MALRD1: variants seen among roughly 807,000 people sequenced by gnomAD.
The protein encoded by MALRD1 is MAM and LDL-receptor class A domain-containing protein 1.
MALRD1 carries 247 observed loss-of-function variants against 242.1 expected under a neutral mutation model. The observed-to-expected ratio is 1.02, with a 90% confidence interval of 0.92 to 1.13. MALRD1 has a LOEUF of 1.13. MALRD1 is among the 50% of genes most tolerant of loss of function. The probability of loss-of-function intolerance (pLI) is 0.00; values close to 1 mark genes in which losing one functional copy is unlikely to be tolerated. For synonymous variants in MALRD1, 995 were observed against 866.6 expected (o/e 1.15, Z -2.60); for missense variants, 2,989 against 2,533.1 (o/e 1.18, Z -3.86).
chr10:19,123,517 A>C lies in MALRD1; in HGVS notation c.720A>C (p.Ala240=). Residue 240 remains alanine, a synonymous_variant, in exon 6 of 40, where the codon GCA becomes GCC. Transcript: ENST00000454679. Reference sequence around the variant, plus strand: ...ATGGAATTTTACTGTGTCAAGAAGCATTGAATGCTGAGCGGGAGCTATGCC... The same window carrying C: ...ATGGAATTTTACTGTGTCAAGAAGCCTTGAATGCTGAGCGGGAGCTATGCC... ...ANDGILLCQE[A]LNAERELCHP... The C allele has an allele frequency of 6.5e-6, 8 of 1,233,786 alleles. No individual in the cohort carries two copies. The highest frequency in any genetic ancestry group is 8.1e-6 in the Non-Finnish European group (8 of 988,022). 76.4% of individuals were successfully genotyped at this position (1,233,786 alleles called of 1,614,324 possible). A position where few individuals can be genotyped will look rare whatever the true frequency, so the allele number is the denominator to read the frequency against.
chr10:19,278,002 C>A (rs1246772804), intron 19 of MALRD1, among the ~76,000 whole-genome samples: 4 of 152,154 alleles, frequency 2.6e-5, no homozygotes, highest in African/African-American at 9.7e-5. Flanking sequence ...CCAAAAAGTG[C>A]ATCTTGAAAT....
chr10:19,672,725 A>G (rs1434391487), intron 36 of MALRD1, among the ~76,000 whole-genome samples: 5 of 152,098 alleles, frequency 3.3e-5, no homozygotes, highest in Admixed American at 1.3e-4. Context: ...GAGCCGACCA[A>G]TATATATCTT....
At chr10:19,693,084 A>C (rs1564546419) in intron 38 of MALRD1, among the ~76,000 whole-genome samples, 1 of 151,944 alleles carries the variant, frequency 6.6e-6, no homozygotes, top group Non-Finnish European at 1.5e-5. Flanking sequence ...TCAAAATTAT[A>C]AGAGCTATTT....
chr10:19,392,489 C>T (rs541789355), intron 28 of MALRD1, among the ~76,000 whole-genome samples: 1 of 152,270 alleles, frequency 6.6e-6, no homozygotes, highest in South Asian at 2.1e-4. Flanking sequence ...ATATATGATT[C>T]TTAAATGACT....
intron 21 of MALRD1, among the ~76,000 whole-genome samples, chr10:19,290,988 G>C (rs909980132): frequency 5.9e-5 from 9 of 152,074 alleles, no homozygotes; most frequent in Non-Finnish European, 8.8e-5. Context: ...TCATAGCCAA[G>C]CACCGTAAGT....
intron 5 of MALRD1, among the ~76,000 whole-genome samples, chr10:19,104,934 G>A (rs1201482504): frequency 6.6e-6 from 1 of 152,032 alleles, no homozygotes; most frequent in Admixed American, 6.5e-5. Context: ...GGGATACCAT[G>A]TGATGTTAAA....
chr10:19,707,841 C>T (rs1326640571), intron 38 of MALRD1, among the ~76,000 whole-genome samples: 5 of 115,812 alleles, frequency 4.3e-5, no homozygotes, highest in African/African-American at 1.4e-4. Flanking sequence ...TGGCATGCAC[C>T]AGCTACTTGG....
chr10:19,539,841 C>T (rs1834860016), intron 32 of MALRD1, among the ~76,000 whole-genome samples: 2 of 144,708 alleles, frequency 1.4e-5, no homozygotes, highest in South Asian at 4.4e-4. Flanking sequence ...CATGCGCCAC[C>T]ACACCCAGCT....
At chr10:19,084,568 T>A (rs1206865347) in intron 2 of MALRD1, among the ~76,000 whole-genome samples, 4 of 151,852 alleles carry the variant, frequency 2.6e-5, no homozygotes, top group African/African-American at 9.7e-5. Context: ...TCTCAGAACG[T>A]GGGAAATGGA....
chr10:19,429,612 G>A (rs965982218), intron 28 of MALRD1, among the ~76,000 whole-genome samples: 8 of 152,002 alleles, frequency 5.3e-5, no homozygotes, highest in Non-Finnish European at 8.8e-5. Context: ...CTCAGAGCCT[G>A]TGTCCAGTTG....
chr10:19,384,076 G>A (rs1845951168), intron 26 of MALRD1, among the ~76,000 whole-genome samples: 2 of 151,544 alleles, frequency 1.3e-5, no homozygotes, highest in South Asian at 4.2e-4. Context: ...AGAGCATGGT[G>A]TGAGATGATA....
intron 18 of MALRD1, among the ~76,000 whole-genome samples, chr10:19,210,442 T>C (rs933337714): frequency 3.9e-5 from 6 of 152,208 alleles, no homozygotes; most frequent in Non-Finnish European, 7.3e-5. Flanking sequence ...TTGTGATTAA[T>C]GAACATTTAT....
intron 2 of MALRD1, among the ~76,000 whole-genome samples, chr10:19,082,938 C>T (rs1244793491): frequency 6.6e-6 from 1 of 152,004 alleles, no homozygotes; most frequent in African/African-American, 2.4e-5. Flanking sequence ...GATCAAGGCA[C>T]TGGCAGATTC....
intron 26 of MALRD1, among the ~76,000 whole-genome samples, chr10:19,365,947 A>G (rs1293828186): frequency 1.3e-5 from 2 of 151,952 alleles, no homozygotes; most frequent in Non-Finnish European, 2.9e-5. Context: ...ATTACCATAC[A>G]TTAGATTTGT....
intron 32 of MALRD1, among the ~76,000 whole-genome samples, chr10:19,556,831 G>A (rs1835740527): frequency 6.6e-6 from 1 of 152,102 alleles, no homozygotes; most frequent in Admixed American, 6.5e-5. Context: ...GTAAGAAACT[G>A]CCAAACTGTC....
intron 28 of MALRD1, among the ~76,000 whole-genome samples, chr10:19,421,830 C>G (rs1379127140): frequency 1.3e-5 from 2 of 152,132 alleles, no homozygotes; most frequent in Non-Finnish European, 2.9e-5. Context: ...GGGTTAAACC[C>G]TCTACTTGAA....
chr10:19,586,716 G>A (rs1297883055), intron 33 of MALRD1, among the ~76,000 whole-genome samples: 2 of 152,260 alleles, frequency 1.3e-5, no homozygotes, highest in Non-Finnish European at 2.9e-5. Flanking sequence ...GGAGCCTACA[G>A]AGGCCCGCAG....
At chr10:19,405,780 C>T (rs1352530002) in intron 28 of MALRD1, among the ~76,000 whole-genome samples, 1 of 152,144 alleles carries the variant, frequency 6.6e-6, no homozygotes, top group Non-Finnish European at 1.5e-5. Flanking sequence ...ATGTTCTATT[C>T]TTCCAATGCA....
chr10:19,534,541 A>C (rs895325170), intron 32 of MALRD1, among the ~76,000 whole-genome samples: 1 of 152,204 alleles, frequency 6.6e-6, no homozygotes, highest in Admixed American at 6.5e-5. Flanking sequence ...ATTGATGCCA[A>C]AAGTCCAATT....
Sources: allele counts gnomAD v4.1 joint callset (sites outside exome capture counted in the v4.1 genomes callset), GRCh38; gene constraint gnomAD v4.1.1; transcripts MANE v1.5; gene names NCBI Gene and HGNC (gene_info 2026-07-23, HGNC 2026-07-21).